Variants in OTOA observed in about 807,000 individuals in gnomAD.
OTOA encodes otoancorin, also known as cancer/testis antigen 108.
A neutral mutation model predicts 110.8 loss-of-function variants in OTOA; 70 were observed. That is an observed-to-expected ratio of 0.63 (90% CI 0.52 to 0.77). The LOEUF (loss-of-function observed/expected upper bound fraction) is 0.77, where lower values mean the gene tolerates loss of function less well. Ranked by LOEUF, OTOA falls within the 30% of genes least tolerant of loss-of-function variation. OTOA has a pLI of 0.00. For synonymous variants in OTOA, 373 were observed against 431.5 expected (o/e 0.86, Z 1.68); for missense variants, 917 against 1,075.8 (o/e 0.85, Z 2.06).
At chr16:21,684,142 G>A (rs1442152975) in intron 6 of OTOA, among the ~76,000 whole-genome samples, 2 of 151,664 alleles carry the variant, frequency 1.3e-5, no homozygotes, top group African/African-American at 2.4e-5. Flanking sequence ...AAAAAAAAAT[G>A]TGTAGTTTTT....
At chr16:21,665,009 T>TAAATAAAC (rs1204411753) in intron 1 of OTOA, among the ~76,000 whole-genome samples, 2 of 151,202 alleles carry the variant, frequency 1.3e-5, no homozygotes, top group African/African-American at 4.9e-5. Context: ...AATAAATAAA[T>TAAATAAAC]AAATAAACAA....
intron 17 of OTOA, chr16:21,721,246 C>G (rs1898727586): frequency 1.6e-5 from 7 of 438,704 alleles, no homozygotes; most frequent in South Asian, 4.8e-5. Flanking sequence ...CACACACACA[C>G]ACACACACAC....
At chr16:21,684,296 G>T (rs898188248) in intron 6 of OTOA, 13 of 1,268,496 alleles carry the variant, frequency 1.0e-5, no homozygotes, top group African/African-American at 6.1e-5. Flanking sequence ...TTTTGCCCAT[G>T]ACATCACACT....
chr16:21,685,204 C>T (rs373886351), intron 6 of OTOA, 26 bp from the exon 7 acceptor site: 25 of 1,608,932 alleles, frequency 1.6e-5, no homozygotes, highest in Non-Finnish European at 2.0e-5. Flanking sequence ...CTGTTCTCAC[C>T]GACTCTCCCA....
chr16:21,748,733 A>G (rs1899720083), intron 24 of OTOA: 1 of 152,372 alleles, frequency 6.6e-6, no homozygotes. Flanking sequence ...GAAGGCAGCA[A>G]AATGAAGCAT....
intron 14 of OTOA, 44 bp from the exon 15 acceptor site, chr16:21,716,863 T>A: frequency 6.2e-7 from 1 of 1,612,116 alleles, no homozygotes; most frequent in Non-Finnish European, 8.5e-7. Flanking sequence ...CAAAGCTCAA[T>A]GCATTTTTTA....
chr16:21,699,583 G>A (rs1322523286), intron 10 of OTOA, among the ~76,000 whole-genome samples: 1 of 152,052 alleles, frequency 6.6e-6, no homozygotes, highest in African/African-American at 2.4e-5. Context: ...GCTGCAATAA[G>A]CCATGATCAC....
At position 21,707,619 on chromosome 16, in the gene OTOA, TTC is replaced by T. The variant is rs922729559; in HGVS notation, c.1105-2267_1105-2266del. 3.2e-4 allele frequency among the ~76,000 whole-genome samples: 33 copies of T among 101,642 alleles called. 1 individual carries two copies. The highest frequency in any genetic ancestry group is 6.5e-4 in the South Asian group (2 of 3,078). 66.7% of individuals were successfully genotyped at this position (101,642 alleles called of 152,430 possible). On this transcript the variant is annotated intron_variant, in intron 12 of 28. Transcript: ENST00000646100. Reference sequence around the variant, plus strand: ...TTTCTTTCTTTCTTTCTTTCTTTCTTTCTTTCTTTCTTTCTTTCTTTCTTTCT... The same window carrying T: ...TTTCTTTCTTTCTTTCTTTCTTTCTTTTTCTTTCTTTCTTTCTTTCTTTCT...
intron 1 of OTOA, among the ~76,000 whole-genome samples, chr16:21,671,683 C>T (rs139049771): frequency 7.9e-5 from 12 of 151,316 alleles, no homozygotes; most frequent in African/African-American, 1.9e-4. Context: ...TGATTCAGAA[C>T]AGGTGACTGG....
At chr16:21,714,306 TTCCTTCCTTC>T (rs1898458214) in intron 13 of OTOA, among the ~76,000 whole-genome samples, 1 of 127,746 alleles carries the variant, frequency 7.8e-6, no homozygotes, top group Non-Finnish European at 1.7e-5. Context: ...CCTTTCTTCC[TTCCTTCCTTC>T]CTTCCTTCCT....
At chr16:21,711,593 C>T (rs546964828) in intron 13 of OTOA, among the ~76,000 whole-genome samples, 8 of 152,266 alleles carry the variant, frequency 5.3e-5, no homozygotes, top group Admixed American at 3.3e-4. Flanking sequence ...CTCAGCCTTC[C>T]GAGTAGCTGG....
At position 21,722,947 on chromosome 16, in the gene OTOA, T is replaced by C; in HGVS notation, c.1849T>C (p.Ser617Pro). The C allele has an allele frequency of 6.2e-7, 1 of 1,614,176 alleles. No homozygotes were observed. Among genetic ancestry groups the C allele is most frequent in the Non-Finnish European group, 8.5e-7 (1 of 1,180,018 alleles). ...AWKYWEVSRL[S>P]MPPFLLAALP... ...GAAATACTGGGAAGTTTCCAGATTG[T>C]CTATGCCACCTTTCCTCTTGGCTGC... Residue 617 changes from serine to proline, a missense_variant, in exon 18 of 29, where the codon TCT (serine) becomes CCT (proline). Transcript: ENST00000646100.
At chr16:21,746,902 G>A (rs2141750224) in intron 24 of OTOA, among the ~76,000 whole-genome samples, 1 of 152,400 alleles carries the variant, frequency 6.6e-6, no homozygotes, top group African/African-American at 2.4e-5. Flanking sequence ...CGGTGGCCAT[G>A]TTTCATAACT....
At chr16:21,717,766 G>C (rs1218542339) in intron 15 of OTOA, among the ~76,000 whole-genome samples, 2 of 152,056 alleles carry the variant, frequency 1.3e-5, no homozygotes, top group Non-Finnish European at 2.9e-5. Context: ...TGTTTATCAA[G>C]CACAGCCCAA....
chr16:21,726,189 G>A (rs1700932554), intron 18 of OTOA, among the ~76,000 whole-genome samples: 1 of 152,040 alleles, frequency 6.6e-6, no homozygotes, highest in South Asian at 2.1e-4. Context: ...AATGCTCTGG[G>A]GCATAGAAGA....
intron 12 of OTOA, among the ~76,000 whole-genome samples, chr16:21,707,929 G>A (rs918883421): frequency 6.6e-6 from 1 of 151,584 alleles, no homozygotes. Flanking sequence ...GAGTAGCTGG[G>A]ACTACAGGTG....
At chr16:21,710,420 A>G (rs1304622366) in intron 13 of OTOA, among the ~76,000 whole-genome samples, 1 of 152,132 alleles carries the variant, frequency 6.6e-6, no homozygotes, top group African/African-American at 2.4e-5. Flanking sequence ...GACCCTCATT[A>G]TCTCATGACC....
chr16:21,684,175 G>A, intron 6 of OTOA, among the ~76,000 whole-genome samples: 1 of 151,882 alleles, frequency 6.6e-6, no homozygotes, highest in East Asian at 1.9e-4. Context: ...ATTTAACTGA[G>A]CATCCTGTAT....
In OTOA at chr16:21,716,948, A is replaced by T. The variant is rs750672533; in HGVS notation, c.1530A>T (p.Ile510=). The change falls in exon 15 of 29, where the codon ATA becomes ATT. Residue 510 remains isoleucine, a synonymous_variant. Transcript: ENST00000646100. ...AEDTAPGIVE[I]QGAFFKEVSL... The stretch of plus-strand genomic sequence containing the variant: ...ACACTGCCCCAGGCATCGTGGAGAT[A>T]CAAGGGGCTTTCTTTAAGGAAGTGT... The T allele has an allele frequency of 3.7e-6, 6 of 1,614,070 alleles. No homozygotes were observed. The highest frequency in any genetic ancestry group is 5.1e-6 in the Non-Finnish European group (6 of 1,179,996).
Sources: allele counts gnomAD v4.1 joint callset (sites outside exome capture counted in the v4.1 genomes callset), GRCh38; gene constraint gnomAD v4.1.1; transcripts MANE v1.5; gene names NCBI Gene and HGNC (gene_info 2026-07-23, HGNC 2026-07-21).